The following ZNF335 variants were observed in gnomAD, a reference collection of about 807,000 sequenced individuals.
ZNF335 encodes the protein zinc finger protein 335, also known as NRC-interacting factor 1.
A neutral mutation model predicts 145.6 loss-of-function variants in ZNF335; 84 were observed. The observed-to-expected ratio is 0.58, with a 90% CI of 0.48 to 0.69. The LOEUF (loss-of-function observed/expected upper bound fraction) is 0.69. Among genes scored for constraint, ZNF335 ranks in the 30% least tolerant of loss-of-function variants. ZNF335 has a pLI of 0.00. For synonymous variants in ZNF335, 761 were observed against 717.0 expected (o/e 1.06, Z -0.98); for missense variants, 1,865 against 1,809.7 (o/e 1.03, Z -0.55).
At chr20:45,969,732 G>C (rs2084024765) in intron 2 of ZNF335, 41 bp from the exon 3 acceptor site, 1 of 1,601,542 alleles carries the variant, frequency 6.2e-7, no homozygotes, top group Non-Finnish European at 8.5e-7. Context: ...TTTAGCAGCT[G>C]GGTATGGGGC....
Position 45,965,658 on chromosome 20 carries a change from G to A in ZNF335, c.1072C>T (p.Pro358Ser). 1 of 1,599,780 alleles carries A rather than the reference G, an allele frequency of 6.3e-7. No homozygotes were observed. The highest frequency in any genetic ancestry group is 8.5e-7 in the Non-Finnish European group (1 of 1,174,566). Reference sequence around the variant, plus strand: ...GGGAGGTCTGAGATCTCCAGGCGGGGCAGCTTCCGGGGCCGGCCAGGTCTC... The same window carrying A: ...GGGAGGTCTGAGATCTCCAGGCGGGACAGCTTCCGGGGCCGGCCAGGTCTC... ...RRRPGRPRKL[P>S]RLEISDLPDG... The change falls in exon 7 of 28, where the codon CCC becomes TCC. Residue 358 changes from proline (P) to serine (S), a missense_variant. By Grantham distance (74) the Pro-to-Ser change is moderately conservative. Transcript: ENST00000322927.
intron 15 of ZNF335, among the ~76,000 whole-genome samples, chr20:45,958,405 G>A (rs1292579671): frequency 1.3e-5 from 2 of 152,222 alleles, no homozygotes; most frequent in Non-Finnish European, 2.9e-5. Flanking sequence ...CTAAGGCTCA[G>A]AGAGGTGAAG....
chr20:45,967,696 C>A (rs2145414716), intron 5 of ZNF335, 38 bp downstream of exon 5: 1 of 1,608,588 alleles, frequency 6.2e-7, no homozygotes, highest in African/African-American at 1.3e-5. Context: ...CCCACCCCTA[C>A]CCATGCAGTC....
At chr20:45,951,041 C>G (rs1013640339) in intron 20 of ZNF335, among the ~76,000 whole-genome samples, 1 of 152,194 alleles carries the variant, frequency 6.6e-6, no homozygotes, top group Non-Finnish European at 1.5e-5. Flanking sequence ...TACTGGCATG[C>G]GCCACCACAC....
At position 45,961,851 on chromosome 20, in the gene ZNF335, G is replaced by A. The variant is rs1242147814; in HGVS notation, c.1646+219C>T. On this transcript the variant is annotated intron_variant, in intron 10 of 27. Coordinates refer to ENST00000322927, the MANE Select transcript of ZNF335 (RefSeq NM_022095.4). ...TGATGAGAAACTAAAGCTCACAAGA[G>A]GTAAGAGGCTGAGCTGGGGACCTCA... The A allele has an allele frequency of 2.4e-5, 12 of 491,956 alleles. No homozygotes were observed. The Admixed American group carries it at 3.9e-4, about 16-fold the overall frequency. 30.5% of individuals were successfully genotyped at this position (491,956 alleles called of 1,614,324 possible).
chr20:45,969,866 C>A lies in ZNF335; in HGVS notation c.202-175G>T, dbSNP rs994290593. ...GAGAGAGGCCCTCCAGTCACAGAGT[C>A]CCCCAGGAAAAAGTCACAGGGTCCC... On this transcript the variant is annotated intron_variant, in intron 2 of 27. Coordinates refer to ENST00000322927, the MANE Select transcript of ZNF335 (RefSeq NM_022095.4). 1.0e-4 allele frequency: 78 copies of A among 771,710 alleles called. 2 individuals are homozygous for A. The South Asian group carries it at 1.0e-3, about 10-fold the overall frequency. The allele number at this position is 771,710 out of a possible 1,614,324, so 47.8% of individuals were successfully genotyped here.
At position 45,963,504 on chromosome 20, in the gene ZNF335, C is replaced by G. The variant is rs940023476; in HGVS notation, c.1502G>C (p.Ser501Thr). 6.2e-7 allele frequency: 1 copy of G among 1,613,924 alleles called. No homozygotes were observed. The highest frequency in any genetic ancestry group is 1.7e-5 in the Admixed American group (1 of 60,034). Residue 501 changes from serine to threonine, a missense_variant, in exon 9 of 28, where the codon AGC becomes ACC. Transcript: ENST00000322927. The stretch of plus-strand genomic sequence containing the variant: ...CGAGGACCAGCGGCGGGAACGATAG[C>G]TGCACTGCAGGCACTTGAAGAGCTG... ...DPQLFKCLQCSYRSRRWSSLK... is the reference protein window; with the variant it reads ...DPQLFKCLQCTYRSRRWSSLK...
chr20:45,957,834 C>T lies in ZNF335; in HGVS notation c.2347+1G>A. The T allele has an allele frequency of 1.2e-6, 2 of 1,613,938 alleles. No individual in the cohort carries two copies. Among genetic ancestry groups the T allele is most frequent in the East Asian group, 2.2e-5 (1 of 44,870 alleles). On this transcript the variant is annotated splice_donor_variant, in intron 16 of 27. Coordinates refer to ENST00000322927, the MANE Select transcript of ZNF335 (RefSeq NM_022095.4). LOFTEE classifies it high-confidence loss of function. ...AGCTCCTATCCTCCTACAGAGCTCA[C>T]CTTGCTGGTAGATGATGGTGGCGCC...
chr20:45,962,159 G>A lies in ZNF335; in HGVS notation c.1557C>T (p.Gly519=), dbSNP rs1475959942. ...SLKEHMFNHV[G]SKPYKCDECS... ...ACTCGTCACACTTGTAGGGCTTGCT[G>A]CCCACGTGGTTGAACATGTGCTCCT... Residue 519 remains glycine (G), a synonymous_variant, in exon 10 of 28, where the codon GGC becomes GGT. Transcript: ENST00000322927. 6.2e-7 allele frequency: 1 copy of A among 1,614,090 alleles called. No homozygotes were observed.
intron 3 of ZNF335, chr20:45,968,569 C>G (rs1419425260): frequency 8.2e-6 from 4 of 485,324 alleles, no homozygotes; most frequent in African/African-American, 7.6e-5. Context: ...GACATGCTGA[C>G]TCAGCAGCCG....
In ZNF335 at chr20:45,969,469, C is replaced by T. The variant is rs150471387; in HGVS notation, c.424G>A (p.Gly142Arg). The T allele has an allele frequency of 7.1e-6, 11 of 1,550,270 alleles. No individual in the cohort carries two copies. The highest frequency in any genetic ancestry group is 4.1e-5 in the African/African-American group (3 of 73,986). Residue 142 changes from glycine (G) to arginine (R), a missense_variant, in exon 3 of 28, where the codon GGG (glycine) becomes AGG (arginine). By Grantham distance (125) the Gly-to-Arg change is moderately radical. Transcript: ENST00000322927. ...AIDKIIESTIGPDLIQNCITV... is the reference protein window; with the variant it reads ...AIDKIIESTIRPDLIQNCITV... ...GACTCACTCTGGATGAGGTCGGGCCCGATGGTGGACTCGATGATCTTGTCG... is the reference window on the plus strand; with the variant it reads ...GACTCACTCTGGATGAGGTCGGGCCTGATGGTGGACTCGATGATCTTGTCG...
intron 20 of ZNF335, 27 bp from the exon 21 acceptor site, chr20:45,950,622 T>C (rs200377403): frequency 4.0e-5 from 64 of 1,613,076 alleles, no homozygotes; most frequent in Non-Finnish European, 4.5e-5. Context: ...GTTGGGGGCA[T>C]TGGCTGGGTC....
At position 45,971,326 on chromosome 20, in the gene ZNF335, C is replaced by T. The variant is rs775295321; in HGVS notation, c.85G>A (p.Val29Met). ...GCGGACACGGCTTCTGAGGTGCCCA[C>T]ACCCAGGCCGCTCTCAGAGGGCTCC... is the stretch of plus-strand genomic sequence containing the variant. ...PEEPSESGLGVGTSEAVSADS... is the reference protein window; with the variant it reads ...PEEPSESGLGMGTSEAVSADS... Residue 29 changes from valine to methionine, a missense_variant, in exon 2 of 28, where the codon GTG (valine) becomes ATG (methionine). Physicochemically the swap from Val to Met is conservative, Grantham distance 21 (BLOSUM62 1). Transcript: ENST00000322927. 1.3e-6 allele frequency: 2 copies of T among 1,597,642 alleles called. No homozygotes were observed. Among genetic ancestry groups the T allele is most frequent in the Admixed American group, 1.7e-5 (1 of 59,770 alleles).
chr20:45,952,640 G>A lies in ZNF335; in HGVS notation c.2772C>T (p.His924=), dbSNP rs1410476013. 2.2e-5 allele frequency: 36 copies of A among 1,613,830 alleles called. No homozygotes were observed. Among genetic ancestry groups the A allele is most frequent in the Non-Finnish European group, 2.9e-5 (34 of 1,180,032 alleles). The change falls in exon 19 of 28, where the codon CAC becomes CAT. Residue 924 remains histidine (H), a synonymous_variant. Transcript: ENST00000322927. ...VSDTLKEAGT[H]YIMATDGTQL... ...GGGTACCATCAGTAGCCATGATGTA[G>A]TGGGTGCCAGCTTCTTTTAGGGTGT... is the stretch of plus-strand genomic sequence containing the variant.
chr20:45,961,825 T>C (rs994577840), intron 10 of ZNF335: 26 of 453,366 alleles, frequency 5.7e-5, no homozygotes, highest in African/African-American at 3.5e-4. Flanking sequence ...CTGTCCCCGT[T>C]TGATGAGAAA....
At chr20:45,954,773 T>C (rs1348395331) in intron 17 of ZNF335, among the ~76,000 whole-genome samples, 18 of 51,644 alleles carry the variant, frequency 3.5e-4, no homozygotes, top group Non-Finnish European at 2.2e-4. Context: ...ACAATTACTT[T>C]TTTTTTTTTT....
In ZNF335 at chr20:45,949,413, C is replaced by G. The variant is rs754170727; in HGVS notation, c.3754-15G>C. 1.4e-5 allele frequency: 23 copies of G among 1,614,110 alleles called. No individual in the cohort carries two copies. In the South Asian group the frequency reaches 2.0e-4, roughly 14 times the overall value. ...CCCTCCTGTACCTGCAGAGAGGAAG[C>G]CAAGCTGTGATCCTAGGGAGAGGTC... On this transcript the variant is annotated splice_polypyrimidine_tract_variant and intron_variant, in intron 25 of 27. Transcript: ENST00000322927.
chr20:45,966,566 T>TC (rs397789745), intron 6 of ZNF335, among the ~76,000 whole-genome samples: 8 of 151,226 alleles, frequency 5.3e-5, no homozygotes, highest in African/African-American at 1.2e-4. Context: ...TTTTTTTTTT[T>TC]CTGAGACAGA....
intron 17 of ZNF335, among the ~76,000 whole-genome samples, chr20:45,954,478 A>T (rs1277795493): frequency 6.6e-6 from 1 of 152,242 alleles, no homozygotes; most frequent in African/African-American, 2.4e-5. Flanking sequence ...AAACGTAGGT[A>T]AGTATTTTAG....
Sources: gnomAD v4.1 joint callset for allele counts (sites outside exome capture counted in the v4.1 genomes callset) on GRCh38, gnomAD v4.1.1 for gene constraint, MANE v1.5 for transcripts, NCBI Gene and HGNC (gene_info 2026-07-23, HGNC 2026-07-21) for gene names.